The following PIWIL2 variants were observed in gnomAD, a reference collection of about 807,000 sequenced individuals.
PIWIL2 encodes the protein piwi like RNA-mediated gene silencing 2, also known as piwi-like protein 2.
PIWIL2 carries 81 observed loss-of-function variants against 116.5 expected under a neutral mutation model. The observed-to-expected ratio is 0.70, with a 90% confidence interval of 0.58 to 0.84. The LOEUF is 0.84. PIWIL2 is among the 40% of genes least tolerant of loss of function. PIWIL2 has a pLI of 0.00. For missense variants in PIWIL2, 1,272 were observed against 1,212.3 expected, an observed-to-expected ratio of 1.05 and a Z score of -0.73; for synonymous variants, 489 against 429.5, an observed-to-expected ratio of 1.14 and a Z score of -1.71.
Position 22,293,722 on chromosome 8 carries a change from T to G in PIWIL2, c.1181+3376T>G, listed in dbSNP as rs889781120. Among the ~76,000 whole-genome samples, 3 of 152,200 alleles carry G rather than the reference T, an allele frequency of 2.0e-5. No individual in the cohort carries two copies. The South Asian group carries it at 6.2e-4, about 31-fold the overall frequency. ...ATTATACAATTATTGAAAAACATTC[T>G]TTTTTTCCACAGATTCAAATCACTG... On this transcript the variant is annotated intron_variant, in intron 10 of 22. Transcript: ENST00000356766.
chr8:22,283,364 G>T, intron 5 of PIWIL2, 124 bp downstream of exon 5: 1 of 717,792 alleles, frequency 1.4e-6, no homozygotes, highest in Non-Finnish European at 2.4e-6. Flanking sequence ...ACTGCGGGGT[G>T]TTTTGTTTTT....
intron 20 of PIWIL2, among the ~76,000 whole-genome samples, chr8:22,351,782 A>G (rs933450895): frequency 1.3e-5 from 2 of 151,346 alleles, no homozygotes; most frequent in Non-Finnish European, 2.9e-5. Flanking sequence ...CAGGTGATCC[A>G]CCCACCTCGG....
intron 10 of PIWIL2, among the ~76,000 whole-genome samples, chr8:22,302,710 A>G (rs753083362): frequency 1.3e-5 from 2 of 152,264 alleles, no homozygotes. Flanking sequence ...CATCTCTGCT[A>G]ATGGATTTGT....
intron 10 of PIWIL2, among the ~76,000 whole-genome samples, chr8:22,296,413 C>T (rs1239000567): frequency 3.3e-5 from 5 of 152,084 alleles, no homozygotes; most frequent in African/African-American, 1.2e-4. Context: ...TTGATTTATT[C>T]CCTTGTTTTA....
intron 10 of PIWIL2, among the ~76,000 whole-genome samples, chr8:22,300,936 A>C (rs1831031712): frequency 6.6e-6 from 1 of 152,034 alleles, no homozygotes; most frequent in African/African-American, 2.4e-5. Context: ...ATCATATGAT[A>C]TATGCATATT....
intron 20 of PIWIL2, among the ~76,000 whole-genome samples, chr8:22,332,576 A>G (rs552960713): frequency 2.0e-5 from 3 of 152,238 alleles, no homozygotes; most frequent in African/African-American, 7.2e-5. Context: ...ATATATATAT[A>G]GTAAGAACAG....
At chr8:22,302,669 A>G (rs1351541226) in intron 10 of PIWIL2, among the ~76,000 whole-genome samples, 1 of 152,168 alleles carries the variant, frequency 6.6e-6, no homozygotes, top group Non-Finnish European at 1.5e-5. Context: ...GAGAGCAGTT[A>G]TACTCAAACC....
chr8:22,293,197 G>T (rs555752510), intron 10 of PIWIL2, among the ~76,000 whole-genome samples: 1 of 152,136 alleles, frequency 6.6e-6, no homozygotes, highest in African/African-American at 2.4e-5. Context: ...ATAATCCAGC[G>T]CTTTGGGAGG....
At chr8:22,325,402 G>C (rs181940929) in intron 20 of PIWIL2, among the ~76,000 whole-genome samples, 22 of 151,374 alleles carry the variant, frequency 1.5e-4, no homozygotes, top group Admixed American at 2.6e-4. Context: ...AACCATTACT[G>C]TGAGGATGAA....
At chr8:22,290,741 G>A (rs938633227) in intron 10 of PIWIL2, among the ~76,000 whole-genome samples, 3 of 147,578 alleles carry the variant, frequency 2.0e-5, no homozygotes, top group Admixed American at 1.4e-4. Flanking sequence ...CATGAGTCAT[G>A]GCACCCAGCC....
intron 10 of PIWIL2, among the ~76,000 whole-genome samples, chr8:22,296,547 A>G (rs1241984509): frequency 1.3e-5 from 2 of 152,234 alleles, no homozygotes; most frequent in Non-Finnish European, 2.9e-5. Context: ...GATTGGGTGT[A>G]TAACTCTAGG....
At chr8:22,333,337 C>T (rs1165038527) in intron 20 of PIWIL2, among the ~76,000 whole-genome samples, 4 of 152,090 alleles carry the variant, frequency 2.6e-5, no homozygotes, top group East Asian at 1.9e-4. Context: ...CTGGGCTGGG[C>T]GCAGTGGCTC....
intron 6 of PIWIL2, among the ~76,000 whole-genome samples, chr8:22,286,657 T>G (rs1830635489): frequency 6.6e-6 from 1 of 152,144 alleles, no homozygotes; most frequent in Non-Finnish European, 1.5e-5. Flanking sequence ...AGTCTCACTC[T>G]GTTGCGCAGG....
intron 10 of PIWIL2, among the ~76,000 whole-genome samples, chr8:22,291,050 C>A (rs1830754630): frequency 6.6e-6 from 1 of 151,394 alleles, no homozygotes; most frequent in Non-Finnish European, 1.5e-5. Flanking sequence ...CTCACTGCAC[C>A]CTCTACCTCT....
chr8:22,355,796 G>A lies in PIWIL2; in HGVS notation c.*291G>A, dbSNP rs575163069. 4.2e-4 allele frequency: 149 copies of A among 355,946 alleles called. No homozygotes were observed. The highest frequency in any genetic ancestry group is 1.7e-3 in the African/African-American group (81 of 48,768). The allele number at this position is 355,946 out of a possible 1,614,324, so 22.0% of individuals were successfully genotyped here. A position where few individuals can be genotyped will look rare whatever the true frequency, so the allele number is the denominator to read the frequency against. ...GGGGGACCATTAAGACCTCCAGACCGGGTGCGGTGGTTCACACCTGTAATC... is the reference window on the plus strand; with the variant it reads ...GGGGGACCATTAAGACCTCCAGACCAGGTGCGGTGGTTCACACCTGTAATC... On this transcript the variant is annotated 3_prime_UTR_variant, in exon 23 of 23. Transcript: ENST00000356766.
Position 22,294,899 on chromosome 8 carries a change from GGAAAAAAAAA to G in PIWIL2, c.1181+4554_1181+4563del, listed in dbSNP as rs1303855268. Among the ~76,000 whole-genome samples the G allele has an allele frequency of 4.2e-3, 333 of 79,418 alleles. 8 individuals are homozygous for G. Among genetic ancestry groups the G allele is most frequent in the Middle Eastern group, 7.8e-3 (1 of 128 alleles). The allele number at this position is 79,418 out of a possible 152,430, so 52.1% of individuals were successfully genotyped here. The stretch of plus-strand genomic sequence containing the variant: ...AACATGGTGAAATCCCATCTTTACT[GGAAAAAAAAA>G]AAAAAAAAAAAAAAAAAAAATTAAC... On this transcript the variant is annotated intron_variant, in intron 10 of 22. Transcript: ENST00000356766.
At chr8:22,297,939 C>A (rs1443962715) in intron 10 of PIWIL2, among the ~76,000 whole-genome samples, 1 of 152,038 alleles carries the variant, frequency 6.6e-6, no homozygotes, top group African/African-American at 2.4e-5. Context: ...GTATAGACAG[C>A]AGTAAAAGCA....
At chr8:22,320,009 C>T (rs1460990065) in intron 20 of PIWIL2, among the ~76,000 whole-genome samples, 1 of 152,180 alleles carries the variant, frequency 6.6e-6, no homozygotes, top group East Asian at 1.9e-4. Context: ...GTTGCCCAGG[C>T]TGGAGTGCAG....
intron 8 of PIWIL2, 23 bp downstream of exon 8, chr8:22,288,689 A>G (rs778743168): frequency 1.7e-5 from 27 of 1,595,178 alleles, no homozygotes; most frequent in Non-Finnish European, 2.2e-5. Flanking sequence ...CTGAAGTTCT[A>G]TTGTCCTGTA....
Sources: gnomAD v4.1 joint callset for allele counts (sites outside exome capture counted in the v4.1 genomes callset) on GRCh38, gnomAD v4.1.1 for gene constraint, MANE v1.5 for transcripts, NCBI Gene and HGNC (gene_info 2026-07-23, HGNC 2026-07-21) for gene names.